The following PTPRD variants were observed in gnomAD, a reference collection of about 807,000 sequenced individuals.
PTPRD encodes the protein protein tyrosine phosphatase receptor type D.
A neutral mutation model predicts 214.5 loss-of-function variants in PTPRD; 34 were observed. That is an observed-to-expected ratio of 0.16 (90% CI 0.12 to 0.21). The LOEUF (loss-of-function observed/expected upper bound fraction) is 0.21. PTPRD is among the 10% of genes least tolerant of loss of function. The pLI, the probability that PTPRD is intolerant of heterozygous loss-of-function variation, is 1.00. For synonymous variants in PTPRD, 1,128 were observed against 845.7 expected (o/e 1.33, Z -5.79); for missense variants, 2,545 against 2,398.7 (o/e 1.06, Z -1.27).
chr9:9,731,197 A>G lies in PTPRD; in HGVS notation c.-287+3336T>C, dbSNP rs193018810. On this transcript the variant is annotated intron_variant, in intron 7 of 45. Coordinates refer to ENST00000381196, the MANE Select transcript of PTPRD (RefSeq NM_002839.4). Reference sequence around the variant, plus strand: ...CCAGAGTAAATATTTTTTTTACTTGAGAATTATATCATAATTTAATGGAGT... The same window carrying G: ...CCAGAGTAAATATTTTTTTTACTTGGGAATTATATCATAATTTAATGGAGT... 1.3e-3 allele frequency among the ~76,000 whole-genome samples: 204 copies of G among 152,238 alleles called. 1 individual carries two copies. Among genetic ancestry groups the G allele is most frequent in the African/African-American group, 4.5e-3 (189 of 41,558 alleles).
intron 11 of PTPRD, among the ~76,000 whole-genome samples, chr9:8,961,944 T>C (rs1029323123): frequency 1.3e-5 from 2 of 152,112 alleles, no homozygotes; most frequent in East Asian, 1.9e-4. Context: ...AATAATTATA[T>C]AGGAATATAT....
chr9:9,390,292 G>C (rs531795567), intron 9 of PTPRD, among the ~76,000 whole-genome samples: 5 of 152,166 alleles, frequency 3.3e-5, no homozygotes, highest in Non-Finnish European at 5.9e-5. Flanking sequence ...TTCTGAGTAA[G>C]ATTAAGGATC....
At chr9:9,615,161 G>C (rs1593093981) in intron 7 of PTPRD, among the ~76,000 whole-genome samples, 2 of 152,228 alleles carry the variant, frequency 1.3e-5, no homozygotes, top group East Asian at 3.9e-4. Context: ...CAGACACCTT[G>C]GACTCCCTGG....
intron 9 of PTPRD, among the ~76,000 whole-genome samples, chr9:9,208,020 C>CTTTTTTTTTTTTGTTTTTTTTTTTTT (rs2099946021): frequency 1.9e-5 from 1 of 53,258 alleles, no homozygotes; most frequent in Non-Finnish European, 3.8e-5. Context: ...TATATATCTG[C>CTTTTTTTTTTTTGTTTTTTTTTTTTT]TTTTTTTTTT....
At chr9:10,039,096 T>C (rs1199825623) in intron 3 of PTPRD, among the ~76,000 whole-genome samples, 1 of 152,120 alleles carries the variant, frequency 6.6e-6, no homozygotes, top group Non-Finnish European at 1.5e-5. Flanking sequence ...CGTAGGTTTG[T>C]TGTTCACAAA....
chr9:9,935,660 T>C (rs1195295018), intron 5 of PTPRD, among the ~76,000 whole-genome samples: 2 of 147,710 alleles, frequency 1.4e-5, no homozygotes. Flanking sequence ...CCCAAGGTAA[T>C]TTACAGATTC....
intron 10 of PTPRD, among the ~76,000 whole-genome samples, chr9:9,099,893 G>A (rs1171229095): frequency 6.6e-6 from 1 of 152,154 alleles, no homozygotes; most frequent in Non-Finnish European, 1.5e-5. Flanking sequence ...GAAGGGTGAG[G>A]AAGCACTGCA....
chr9:10,508,623 G>C (rs1310479785), intron 2 of PTPRD, among the ~76,000 whole-genome samples: 1 of 152,050 alleles, frequency 6.6e-6, no homozygotes, highest in Non-Finnish European at 1.5e-5. Flanking sequence ...CCATAAAAAA[G>C]GATGAGTTGA....
intron 9 of PTPRD, among the ~76,000 whole-genome samples, chr9:9,306,446 C>A (rs370510347): frequency 1.3e-5 from 2 of 150,984 alleles, no homozygotes; most frequent in African/African-American, 2.4e-5. Context: ...CACCTGTAGT[C>A]CCAGCTACTT....
At chr9:8,373,864 G>GTCTATCTA (rs368216657) in intron 39 of PTPRD, among the ~76,000 whole-genome samples, 1 of 107,904 alleles carries the variant, frequency 9.3e-6, no homozygotes, top group Non-Finnish European at 1.7e-5. Context: ...GTGTCTGTCT[G>GTCTATCTA]TCTATCTATC....
At chr9:10,085,911 T>A (rs1380627394) in intron 3 of PTPRD, among the ~76,000 whole-genome samples, 1 of 151,962 alleles carries the variant, frequency 6.6e-6, no homozygotes, top group Middle Eastern at 3.4e-3. Context: ...TCTATGAAAG[T>A]CTCTGATCCA....
chr9:9,507,765 C>A (rs910235838), intron 8 of PTPRD, among the ~76,000 whole-genome samples: 3 of 151,194 alleles, frequency 2.0e-5, no homozygotes, highest in South Asian at 2.1e-4. Flanking sequence ...CTTAATGATC[C>A]AGATGCAGAT....
chr9:8,521,588 A>C, intron 19 of PTPRD, 42 bp from the exon 20 acceptor site: 1 of 1,593,022 alleles, frequency 6.3e-7, no homozygotes, highest in Non-Finnish European at 8.6e-7. Flanking sequence ...ATACAAGGCA[A>C]GAAAAAGTGG....
At chr9:9,163,532 T>A (rs1035559593) in intron 10 of PTPRD, among the ~76,000 whole-genome samples, 2 of 152,136 alleles carry the variant, frequency 1.3e-5, no homozygotes, top group Non-Finnish European at 2.9e-5. Context: ...TACTATGTAT[T>A]TTTTCTCCTC....
At chr9:10,583,568 CAGCCTCCTGAGTAGCTGGGATACAGCA>C (rs1425025093) in intron 2 of PTPRD, among the ~76,000 whole-genome samples, 34 of 152,090 alleles carry the variant, frequency 2.2e-4, no homozygotes, top group South Asian at 2.1e-3. Context: ...TCTCCTGCCT[CAGCCTCCTGAGTAGCTGGGATACAGCA>C]AGCCTCCTGA....
At chr9:9,210,665 TTGCCACATGCCACATGCCACATACATG>T (rs879689036) in intron 9 of PTPRD, among the ~76,000 whole-genome samples, 10 of 152,000 alleles carry the variant, frequency 6.6e-5, no homozygotes, top group Admixed American at 1.3e-4. Flanking sequence ...TACAAATGAC[TTGCCACATGCCACATGCCACATACATG>T]TGCCACATGT....
At chr9:10,385,808 A>C (rs1280453505) in intron 2 of PTPRD, among the ~76,000 whole-genome samples, 1 of 151,770 alleles carries the variant, frequency 6.6e-6, no homozygotes, top group African/African-American at 2.4e-5. Context: ...TCTCTGGTGA[A>C]AGGTGATAGA....
At chr9:9,331,843 A>C (rs966766529) in intron 9 of PTPRD, among the ~76,000 whole-genome samples, 5 of 152,038 alleles carry the variant, frequency 3.3e-5, no homozygotes, top group African/African-American at 1.2e-4. Flanking sequence ...GAGATCATCC[A>C]TCATGTTAGA....
chr9:9,548,002 C>G (rs1238161593), intron 8 of PTPRD, among the ~76,000 whole-genome samples: 1 of 151,816 alleles, frequency 6.6e-6, no homozygotes, highest in Non-Finnish European at 1.5e-5. Flanking sequence ...CAAAATCTTT[C>G]AAGAGTTGAA....
Sources: allele counts gnomAD v4.1 joint callset (sites outside exome capture counted in the v4.1 genomes callset), GRCh38; gene constraint gnomAD v4.1.1; transcripts MANE v1.5; gene names NCBI Gene and HGNC (gene_info 2026-07-23, HGNC 2026-07-21).